FIG4: variants seen among roughly 807,000 people sequenced by gnomAD.
FIG4 encodes polyphosphoinositide phosphatase.
A neutral mutation model predicts 118.6 loss-of-function variants in FIG4; 112 were observed. The observed-to-expected ratio is 0.94, with a 90% CI of 0.81 to 1.11. FIG4 has a LOEUF of 1.11. FIG4 is among the 50% of genes least tolerant of loss of function. The pLI is 0.00. For missense variants in FIG4, 969 were observed against 1,111.7 expected (o/e 0.87, Z 1.83); for synonymous variants, 369 against 381.2 (o/e 0.97, Z 0.37).
Position 109,825,279 on chromosome 6 carries a change from C to T in FIG4, c.*14C>T, listed in dbSNP as rs114136062. On this transcript the variant is annotated 3_prime_UTR_variant, in exon 23 of 23. Transcript: ENST00000230124. ...CGCTACCTGTGAAAAGAGCGCAGGT[C>T]CACCTGGTGGACACGTCTGATTAGC... 1,077 of 1,610,592 alleles carry T rather than the reference C, an allele frequency of 6.7e-4. 5 individuals carry two copies. In the African/African-American group the frequency reaches 0.013, roughly 19 times the overall value.
In FIG4 at chr6:109,765,048, A is replaced by G; in HGVS notation, c.1470A>G (p.Leu490=). 3 of 1,613,960 alleles carry G rather than the reference A, an allele frequency of 1.9e-6. No homozygotes were observed. The highest frequency in any genetic ancestry group is 2.5e-6 in the Non-Finnish European group (3 of 1,179,806). The change falls in exon 14 of 23, where the codon TTA becomes TTG. Residue 490 remains leucine (L), a synonymous_variant. Coordinates refer to ENST00000230124, the MANE Select transcript of FIG4 (RefSeq NM_014845.6). The part of the protein sequence containing the change: ...GILRTNCVDC[L]DRTNTAQFMV... ...TTCGAACCAACTGTGTGGACTGTTT[A>G]GATCGCACCAACACAGCACAGTTTA...
rs769125243 is a variant in FIG4, at chr6:109,727,201, G to A, written c.382G>A (p.Glu128Lys). 2.3e-5 allele frequency: 37 copies of A among 1,611,924 alleles called. No homozygotes were observed. The highest frequency in any genetic ancestry group is 4.0e-5 in the African/African-American group (3 of 74,820). The change falls in exon 4 of 23, where the codon GAA becomes AAA. Residue 128 changes from glutamate to lysine, a missense_variant. By Grantham distance (56) the Glu-to-Lys change is moderately conservative. This residue lies in a region of FIG4 where 393 missense variants were observed against 409.4 expected (regional missense o/e 0.96). Coordinates refer to ENST00000230124, the MANE Select transcript of FIG4 (RefSeq NM_014845.6). ...DIGGHAIYKV[E>K]DTNMIYIPND... ...TGGAGGTCATGCAATCTATAAGGTCGAAGATACAAATATGATCTATATACC... is the reference window on the plus strand; with the variant it reads ...TGGAGGTCATGCAATCTATAAGGTCAAAGATACAAATATGATCTATATACC...
At chr6:109,722,818 G>T (rs2128382937) in intron 3 of FIG4, among the ~76,000 whole-genome samples, 1 of 152,148 alleles carries the variant, frequency 6.6e-6, no homozygotes, top group South Asian at 2.1e-4. Flanking sequence ...GAAGGAAGGA[G>T]CCCAGACCTT....
Position 109,784,969 on chromosome 6 carries a change from G to T in FIG4, c.1890-1G>T. 1 of 1,494,856 alleles carries T rather than the reference G, an allele frequency of 6.7e-7. No homozygotes were observed. 92.6% of individuals were successfully genotyped at this position (1,494,856 alleles called of 1,614,324 possible). On this transcript the variant is annotated splice_acceptor_variant, in intron 16 of 22. Coordinates refer to ENST00000230124, the MANE Select transcript of FIG4 (RefSeq NM_014845.6). LOFTEE classifies it high-confidence loss of function. The stretch of plus-strand genomic sequence containing the variant: ...CTTTTTTTTTAATTTTTATTTTATA[G>T]TTATACTTACTGGTGGACACCAGAG...
chr6:109,728,647 G>A (rs557795421), intron 4 of FIG4, among the ~76,000 whole-genome samples: 112 of 152,114 alleles, frequency 7.4e-4, no homozygotes, highest in Non-Finnish European at 1.5e-3. Flanking sequence ...TTTGGAAGGG[G>A]GTTATTAGAA....
intron 16 of FIG4, among the ~76,000 whole-genome samples, chr6:109,778,803 G>A (rs1426584922): frequency 1.3e-5 from 2 of 152,042 alleles, no homozygotes; most frequent in Admixed American, 1.3e-4. Context: ...GTTTCACTGT[G>A]TTAGCTAGGG....
chr6:109,781,796 T>C (rs1025877039), intron 16 of FIG4, among the ~76,000 whole-genome samples: 3 of 148,672 alleles, frequency 2.0e-5, no homozygotes, highest in Non-Finnish European at 4.5e-5. Context: ...TTGACCATCT[T>C]GATCCTAATT....
At position 109,818,263 on chromosome 6, in the gene FIG4, C is replaced by T. The variant is rs577219465; in HGVS notation, c.2547-6825C>T. Reference sequence around the variant, plus strand: ...TTGCCCAGGTTGGAGGGCAATGGCGCGATCTTGGCTCACCACAACCTCCAC... The same window carrying T: ...TTGCCCAGGTTGGAGGGCAATGGCGTGATCTTGGCTCACCACAACCTCCAC... On this transcript the variant is annotated intron_variant, in intron 22 of 22. Transcript: ENST00000230124. Among the ~76,000 whole-genome samples, 151 of 151,942 alleles carry T rather than the reference C, an allele frequency of 9.9e-4. 1 individual carries two copies. Among genetic ancestry groups the T allele is most frequent in the African/African-American group, 3.5e-3 (143 of 41,440 alleles).
At chr6:109,705,202 A>G (rs79276598) in intron 1 of FIG4, among the ~76,000 whole-genome samples, 514 of 152,340 alleles carry the variant, frequency 3.4e-3, no homozygotes, top group African/African-American at 0.012. Flanking sequence ...GAAGCATACT[A>G]TTAAATGTAA....
In FIG4 at chr6:109,765,156, A is replaced by G. The variant is rs768799178; in HGVS notation, c.1578A>G (p.Ala526=). 2.5e-6 allele frequency: 4 copies of G among 1,613,882 alleles called. No individual in the cohort carries two copies. The highest frequency in any genetic ancestry group is 1.1e-5 in the South Asian group (1 of 91,084). ...DKPNLQFDTD[A]VRLFEELYED... ...CTAATCTACAGTTTGATACAGATGC[A>G]GTTAGGTAAGTCTTATTTTTTGCTA... Residue 526 remains alanine (A), a synonymous_variant, in exon 14 of 23, where the codon GCA becomes GCG. Coordinates refer to ENST00000230124, the MANE Select transcript of FIG4 (RefSeq NM_014845.6).
At chr6:109,809,146 A>G (rs1351896909) in intron 22 of FIG4, among the ~76,000 whole-genome samples, 1 of 152,216 alleles carries the variant, frequency 6.6e-6, no homozygotes, top group African/African-American at 2.4e-5. Context: ...CTTATTTGGA[A>G]GGCTATTAAA....
intron 16 of FIG4, among the ~76,000 whole-genome samples, chr6:109,783,540 T>C (rs1186451757): frequency 2.0e-5 from 3 of 152,224 alleles, no homozygotes; most frequent in Non-Finnish European, 4.4e-5. Flanking sequence ...ATTAAGTAGC[T>C]CTACTTTCTC....
intron 17 of FIG4, chr6:109,785,745 A>G (rs1441820032): frequency 1.9e-5 from 9 of 469,014 alleles, no homozygotes; most frequent in Admixed American, 4.7e-5. Context: ...TCAGCATCCC[A>G]ACTTTGGGTG....
intron 17 of FIG4, chr6:109,785,733 C>T (rs1777933873): frequency 2.1e-6 from 1 of 469,458 alleles, no homozygotes; most frequent in Non-Finnish European, 4.4e-6. Context: ...TCTAGTCATG[C>T]TTCAGCATCC....
chr6:109,696,308 A>T (rs1051770654), intron 1 of FIG4, among the ~76,000 whole-genome samples: 1 of 152,214 alleles, frequency 6.6e-6, no homozygotes, highest in African/African-American at 2.4e-5. Context: ...AGTTAGTATC[A>T]GTTTATTTTG....
chr6:109,717,079 G>A (rs1775456101), intron 3 of FIG4, among the ~76,000 whole-genome samples: 1 of 146,990 alleles, frequency 6.8e-6, no homozygotes, highest in African/African-American at 2.5e-5. Context: ...AAACTTCACT[G>A]TTTGAAATTG....
At chr6:109,739,877 C>T (rs12193345) in intron 7 of FIG4, among the ~76,000 whole-genome samples, 7,100 of 152,160 alleles carry the variant, frequency 0.047, 385 homozygotes, top group East Asian at 0.23. Context: ...GCACAGCTGG[C>T]GAGGTTAGCC....
Position 109,743,437 on chromosome 6 carries a change from T to C in FIG4, c.1039+165T>C. Reference sequence around the variant, plus strand: ...CCGTTATTCTTATGTAATAAATTTATGTTTAATTTTGACTGTTAAATAAAT... The same window carrying C: ...CCGTTATTCTTATGTAATAAATTTACGTTTAATTTTGACTGTTAAATAAAT... On this transcript the variant is annotated intron_variant, in intron 9 of 22. Coordinates refer to ENST00000230124, the MANE Select transcript of FIG4 (RefSeq NM_014845.6). 6 of 694,144 alleles carry C rather than the reference T, an allele frequency of 8.6e-6. No homozygotes were observed. In the South Asian group the frequency reaches 1.1e-4, roughly 12 times the overall value. The allele number at this position is 694,144 out of a possible 1,614,324, so 43.0% of individuals were successfully genotyped here.
In FIG4 at chr6:109,808,310, A is replaced by G. The variant is rs185448767; in HGVS notation, c.2546+11459A>G. 1.7e-3 allele frequency among the ~76,000 whole-genome samples: 236 copies of G among 137,162 alleles called. 1 individual carries two copies. The highest frequency in any genetic ancestry group is 6.3e-3 in the African/African-American group (230 of 36,388). 90.0% of individuals were successfully genotyped at this position (137,162 alleles called of 152,430 possible). On this transcript the variant is annotated intron_variant, in intron 22 of 22. Coordinates refer to ENST00000230124, the MANE Select transcript of FIG4 (RefSeq NM_014845.6). Reference sequence around the variant, plus strand: ...TAGCAAGGCAGTGGCACCAAAGTATATTGGTGATCATTATTTTCTTCACTC... The same window carrying G: ...TAGCAAGGCAGTGGCACCAAAGTATGTTGGTGATCATTATTTTCTTCACTC...
Sources: gnomAD v4.1 joint callset for allele counts (sites outside exome capture counted in the v4.1 genomes callset) on GRCh38, gnomAD v4.1.1 for gene constraint, gnomAD v4.1.1 regional missense constraint, MANE v1.5 for transcripts, NCBI Gene and HGNC (gene_info 2026-07-23, HGNC 2026-07-21) for gene names.